UBE2L3: variants seen among roughly 807,000 people sequenced by gnomAD.
The protein encoded by UBE2L3 is ubiquitin-conjugating enzyme E2 L3.
UBE2L3 carries 1 observed loss-of-function variant against 17.8 expected under a neutral mutation model. That is an observed-to-expected ratio of 0.06 (90% CI 0.02 to 0.27). The LOEUF (loss-of-function observed/expected upper bound fraction) is 0.27. Ranked by LOEUF, UBE2L3 falls within the 10% of genes least tolerant of loss-of-function variation. The probability of loss-of-function intolerance (pLI) is 1.00; values close to 1 mark genes in which losing one functional copy is unlikely to be tolerated. For missense variants in UBE2L3, 40 were observed against 192.6 expected (o/e 0.21, Z 4.69); for synonymous variants, 44 against 68.5 (o/e 0.64, Z 1.76).
chr22:21,557,725 G>A (rs1356677589), intron 1 of UBE2L3, among the ~76,000 whole-genome samples: 1 of 152,256 alleles, frequency 6.6e-6, no homozygotes, highest in Non-Finnish European at 1.5e-5. Flanking sequence ...GTTTCACCGT[G>A]CCAGCCAAGA....
At chr22:21,551,992 TACACACACACACAC>T (rs750566572) in intron 1 of UBE2L3, among the ~76,000 whole-genome samples, 2 of 99,806 alleles carry the variant, frequency 2.0e-5, no homozygotes, top group African/African-American at 4.6e-5. Context: ...ACTGAAGAAA[TACACACACACACAC>T]ACACACACAC....
intron 2 of UBE2L3, among the ~76,000 whole-genome samples, chr22:21,602,862 A>G (rs1211418458): frequency 2.0e-5 from 3 of 152,102 alleles, no homozygotes; most frequent in Non-Finnish European, 1.5e-5. Flanking sequence ...CCAGATGGAT[A>G]CCTGCAGATG....
At chr22:21,574,862 G>C (rs1000296519) in intron 1 of UBE2L3, among the ~76,000 whole-genome samples, 9 of 152,168 alleles carry the variant, frequency 5.9e-5, no homozygotes, top group Non-Finnish European at 1.2e-4. Flanking sequence ...CTACTAGGGA[G>C]GGGGAGGCAG....
At chr22:21,580,326 A>G (rs1416594339) in intron 1 of UBE2L3, among the ~76,000 whole-genome samples, 2 of 152,228 alleles carry the variant, frequency 1.3e-5, no homozygotes, top group African/African-American at 2.4e-5. Context: ...CCATCTCAGG[A>G]CTATGAATTG....
intron 1 of UBE2L3, among the ~76,000 whole-genome samples, chr22:21,558,346 T>C (rs1306251784): frequency 6.6e-6 from 1 of 152,246 alleles, no homozygotes; most frequent in Admixed American, 6.5e-5. Flanking sequence ...AAAAACTTAA[T>C]TTTTGGCCGG....
At chr22:21,608,180 C>T (rs896108076) in intron 2 of UBE2L3, among the ~76,000 whole-genome samples, 1 of 152,186 alleles carries the variant, frequency 6.6e-6, no homozygotes, top group African/African-American at 2.4e-5. Flanking sequence ...CTCGCTCTTT[C>T]CTGGTGGGAA....
intron 3 of UBE2L3, among the ~76,000 whole-genome samples, chr22:21,614,925 G>A (rs987911221): frequency 1.4e-5 from 2 of 139,962 alleles, no homozygotes; most frequent in Non-Finnish European, 3.2e-5. Flanking sequence ...AGGCTGAGGC[G>A]GGTGGATCAC....
rs1928336095 is a variant in UBE2L3 at position 21,592,845 on chromosome 22, C to T, written c.28-16C>T. On this transcript the variant is annotated splice_polypyrimidine_tract_variant and intron_variant, in intron 1 of 3. Coordinates refer to ENST00000342192, the MANE Select transcript of UBE2L3 (RefSeq NM_003347.4). ...TTCCCCTATTTGACACCCCTTTATGCTTTGTCAATCAACAGGAGCTTGAAG... is the reference window on the plus strand; with the variant it reads ...TTCCCCTATTTGACACCCCTTTATGTTTTGTCAATCAACAGGAGCTTGAAG... 1.9e-6 allele frequency: 3 copies of T among 1,603,698 alleles called. No homozygotes were observed. Among genetic ancestry groups the T allele is most frequent in the Non-Finnish European group, 8.5e-7 (1 of 1,172,088 alleles).
upstream of UBE2L3, among the ~76,000 whole-genome samples, chr22:21,566,540 C>T (rs1926647754): frequency 1.3e-5 from 2 of 151,306 alleles, no homozygotes; most frequent in African/African-American, 4.9e-5. Context: ...GAGCTGTTAT[C>T]GTGCCACTGT....
intron 3 of UBE2L3, among the ~76,000 whole-genome samples, chr22:21,616,350 G>A (rs1164901527): frequency 6.6e-6 from 1 of 152,136 alleles, no homozygotes; most frequent in Non-Finnish European, 1.5e-5. Context: ...TTTTCTTTTT[G>A]GGGGATGAAA....
intron 3 of UBE2L3, among the ~76,000 whole-genome samples, chr22:21,616,014 T>C (rs770817563): frequency 2.6e-5 from 4 of 152,208 alleles, no homozygotes; most frequent in Non-Finnish European, 5.9e-5. Context: ...ATAAGCTTTA[T>C]TTGGGCATGA....
chr22:21,613,736 C>A (rs903466827), intron 3 of UBE2L3, among the ~76,000 whole-genome samples: 3 of 152,204 alleles, frequency 2.0e-5, no homozygotes, highest in African/African-American at 7.2e-5. Flanking sequence ...TTCCTGGGGT[C>A]ACTCATGCAG....
intron 1 of UBE2L3, among the ~76,000 whole-genome samples, chr22:21,588,302 A>G (rs1399911074): frequency 1.3e-5 from 2 of 151,896 alleles, no homozygotes; most frequent in African/African-American, 4.8e-5. Flanking sequence ...GTTTCCTTCA[A>G]TTCCTTCCCT....
At chr22:21,597,458 T>C (rs1340886424) in intron 2 of UBE2L3, among the ~76,000 whole-genome samples, 2 of 152,018 alleles carry the variant, frequency 1.3e-5, no homozygotes, top group African/African-American at 4.8e-5. Flanking sequence ...AACCCCCAGC[T>C]AATTTTAATT....
chr22:21,577,451 T>A (rs1414653617), intron 1 of UBE2L3, among the ~76,000 whole-genome samples: 1 of 152,202 alleles, frequency 6.6e-6, no homozygotes, highest in Non-Finnish European at 1.5e-5. Flanking sequence ...GAAAGTTGCT[T>A]CTGGTGGCTG....
At chr22:21,621,432 T>G (rs1189601847) in intron 3 of UBE2L3, 83 bp from the exon 4 acceptor site, 1 of 1,469,262 alleles carries the variant, frequency 6.8e-7, no homozygotes, top group Non-Finnish European at 9.0e-7. Context: ...AAAGCCAGAG[T>G]TTTGTTCCCG....
intron 3 of UBE2L3, chr22:21,614,481 G>A (rs753066501): frequency 1.1e-6 from 1 of 929,244 alleles, no homozygotes; most frequent in East Asian, 5.1e-5. Flanking sequence ...CCACCCTCCT[G>A]CTGTAATCTT....
intron 2 of UBE2L3, among the ~76,000 whole-genome samples, chr22:21,599,776 G>C (rs1015791031): frequency 2.0e-5 from 3 of 152,132 alleles, no homozygotes; most frequent in African/African-American, 7.2e-5. Context: ...TGGGGTGTCT[G>C]GTGGGATTTT....
chr22:21,616,708 C>G (rs1417631329), intron 3 of UBE2L3, among the ~76,000 whole-genome samples: 1 of 151,454 alleles, frequency 6.6e-6, no homozygotes, highest in African/African-American at 2.4e-5. Context: ...ACCTGTAATC[C>G]CAGCTACTTG....
Sources: allele counts gnomAD v4.1 joint callset (sites outside exome capture counted in the v4.1 genomes callset), GRCh38; gene constraint gnomAD v4.1.1; transcripts MANE v1.5; gene names NCBI Gene and HGNC (gene_info 2026-07-23, HGNC 2026-07-21).